Variants in TRIM49 observed in about 807,000 individuals in gnomAD.
TRIM49 encodes the protein tripartite motif containing 49, also known as tripartite motif-containing protein 49.
Under a neutral mutation model 27.4 loss-of-function variants are expected in TRIM49, and 5 were observed. The ratio of observed to expected loss-of-function variants is 0.18; its 90% CI spans 0.10 to 0.38. The LOEUF (loss-of-function observed/expected upper bound fraction) is 0.38. TRIM49 is among the 10% of genes least tolerant of loss of function. TRIM49 has a pLI of 1.00. For missense variants in TRIM49, 188 were observed against 487.5 expected, an observed-to-expected ratio of 0.39 and a Z score of 5.79; for synonymous variants, 69 against 166.0, an observed-to-expected ratio of 0.42 and a Z score of 4.49.
intron 1 of TRIM49, among the ~76,000 whole-genome samples, chr11:89,807,578 C>G (rs1437405015): frequency 1.3e-5 from 2 of 150,430 alleles, no homozygotes; most frequent in African/African-American, 2.5e-5. Context: ...GAAAGGGTCT[C>G]CTTCTGGAGT....
At chr11:89,787,432 C>A in the TRIM49 span, 1 of 319,368 alleles carries the variant, frequency 3.1e-6, no homozygotes, top group Non-Finnish European at 5.7e-6. Context: ...AGGTGGCGGG[C>A]GAAACGGAGG....
At chr11:89,766,806 C>T in the TRIM49 span, 5 of 1,258,776 alleles carry the variant, frequency 4.0e-6, no homozygotes, top group Admixed American at 1.7e-5. Context: ...CACCTTCACA[C>T]ATAAAAGAAG....
the TRIM49 span, chr11:89,787,688 A>T: frequency 5.3e-6 from 6 of 1,137,766 alleles, no homozygotes; most frequent in Non-Finnish European, 7.4e-6. Context: ...GGCAGCGCGG[A>T]AGGGCAGCAC....
chr11:89,801,136 A>G (rs614405), intron 5 of TRIM49, 148 bp from the exon 6 acceptor site: 22 of 1,484,180 alleles, frequency 1.5e-5, no homozygotes, highest in Non-Finnish European at 1.9e-5. Flanking sequence ...TCTTCTGTAA[A>G]GAAAAACCCA....
At chr11:89,790,526 G>A in the TRIM49 span, among the ~76,000 whole-genome samples, 3 of 151,968 alleles carry the variant, frequency 2.0e-5, no homozygotes, top group African/African-American at 7.3e-5. Context: ...CACCTCACAC[G>A]GCCACTTACT....
intron 4 of TRIM49, among the ~76,000 whole-genome samples, chr11:89,802,461 C>G (rs1368563556): frequency 6.6e-6 from 1 of 150,760 alleles, no homozygotes; most frequent in Non-Finnish European, 1.5e-5. Flanking sequence ...TAAGTCATCC[C>G]AGTCTGAAAC....
intron 6 of TRIM49, among the ~76,000 whole-genome samples, chr11:89,800,534 G>T (rs1375981681): frequency 6.6e-6 from 1 of 151,140 alleles, no homozygotes; most frequent in African/African-American, 2.5e-5. Context: ...ACGGGGTCAG[G>T]AGATAGAGAC....
chr11:89,787,812 G>T, the TRIM49 span: 18 of 510,358 alleles, frequency 3.5e-5, no homozygotes, highest in South Asian at 3.0e-4. Context: ...CAGGAGAAGC[G>T]CCCGCTGCCC....
the TRIM49 span, among the ~76,000 whole-genome samples, chr11:89,791,284 G>C: frequency 2.0e-5 from 3 of 152,140 alleles, no homozygotes; most frequent in Admixed American, 2.0e-4. Context: ...TGATGAAAGT[G>C]ATGGGGAGTA....
At chr11:89,791,407 T>G in the TRIM49 span, among the ~76,000 whole-genome samples, 2 of 151,482 alleles carry the variant, frequency 1.3e-5, no homozygotes, top group Non-Finnish European at 2.9e-5. Context: ...ACAAAGATAC[T>G]CCTCAAGAAG....
rs551655990 is a variant in TRIM49, at chr11:89,807,816, A to G, written c.-190-532T>C. Among the ~76,000 whole-genome samples the G allele has an allele frequency of 1.0e-4, 15 of 149,816 alleles. 1 individual carries two copies. The highest frequency in any genetic ancestry group is 3.5e-4 in the African/African-American group (14 of 39,618). On this transcript the variant is annotated intron_variant, in intron 1 of 7. Transcript: ENST00000329758. ...CTTCCAAAGTGCTAAGAGTACAGGT[A>G]TAAACCACCTCATCCAGCTTAAATG...
downstream of TRIM49, among the ~76,000 whole-genome samples, chr11:89,796,373 T>C (rs1366113714): frequency 6.8e-6 from 1 of 146,964 alleles, no homozygotes; most frequent in East Asian, 2.1e-4. Context: ...GCTGGGACTA[T>C]AGCATGTGCC....
chr11:89,805,768 A>T (rs1348017286), intron 2 of TRIM49, among the ~76,000 whole-genome samples: 1 of 149,328 alleles, frequency 6.7e-6, no homozygotes, highest in Non-Finnish European at 1.5e-5. Flanking sequence ...CGCAGGCTGA[A>T]ATGCAGTGGC....
the TRIM49 span, among the ~76,000 whole-genome samples, chr11:89,790,215 G>A: frequency 6.8e-5 from 9 of 131,632 alleles, no homozygotes; most frequent in African/African-American, 8.8e-5. Flanking sequence ...GGGGAGGGGC[G>A]CCTGCCATTT....
downstream of TRIM49, among the ~76,000 whole-genome samples, chr11:89,796,405 A>C (rs1324297006): frequency 7.0e-6 from 1 of 142,014 alleles, no homozygotes; most frequent in Non-Finnish European, 1.5e-5. Flanking sequence ...CTGATTTCTA[A>C]AGGAATGTTT....
chr11:89,794,025 G>A (rs1443503890), downstream of TRIM49, among the ~76,000 whole-genome samples: 9 of 143,200 alleles, frequency 6.3e-5, no homozygotes, highest in Non-Finnish European at 1.1e-4. Context: ...AAGCTGATAA[G>A]CAACTTCAGC....
chr11:89,774,203 T>A, the TRIM49 span, among the ~76,000 whole-genome samples: 1 of 150,768 alleles, frequency 6.6e-6, no homozygotes, highest in Non-Finnish European at 1.5e-5. Context: ...AGTTTCACTA[T>A]CTTGGCCAGG....
chr11:89,805,597 A>C (rs954567996), intron 2 of TRIM49, among the ~76,000 whole-genome samples: 4 of 151,088 alleles, frequency 2.6e-5, no homozygotes, highest in Non-Finnish European at 5.9e-5. Flanking sequence ...CTATATTGGA[A>C]CTCTCTAGAC....
the TRIM49 span, among the ~76,000 whole-genome samples, chr11:89,772,662 A>G: frequency 3.7e-5 from 5 of 135,040 alleles, 1 homozygote; most frequent in African/African-American, 7.0e-5. Flanking sequence ...AAATGATTAG[A>G]TGGAACCCTT....
Sources: allele counts gnomAD v4.1 joint callset (sites outside exome capture counted in the v4.1 genomes callset), GRCh38; gene constraint gnomAD v4.1.1; transcripts MANE v1.5; gene names NCBI Gene and HGNC (gene_info 2026-07-23, HGNC 2026-07-21).